TGFA: variants seen among roughly 807,000 people sequenced by gnomAD.
The protein encoded by TGFA is transforming growth factor alpha.
In TGFA, 12 loss-of-function variants were observed where a neutral mutation model predicts 21.7. The ratio of observed to expected loss-of-function variants is 0.55; its 90% CI spans 0.35 to 0.90. The LOEUF (loss-of-function observed/expected upper bound fraction) is 0.90. Ranked by LOEUF, TGFA falls within the 40% of genes least tolerant of loss-of-function variation. The probability of loss-of-function intolerance (pLI) is 0.01; values close to 1 mark genes in which losing one functional copy is unlikely to be tolerated. For synonymous variants in TGFA, 79 were observed against 88.1 expected (o/e 0.90, Z 0.58); for missense variants, 178 against 210.8 (o/e 0.84, Z 0.96).
At position 70,514,925 on chromosome 2, in the gene TGFA, G is replaced by A. The variant is rs1431236029; in HGVS notation, c.41-13C>T. 2 of 1,613,192 alleles carry A rather than the reference G, an allele frequency of 1.2e-6. No individual in the cohort carries two copies. The highest frequency in any genetic ancestry group is 1.7e-6 in the Non-Finnish European group (2 of 1,179,682). On this transcript the variant is annotated splice_polypyrimidine_tract_variant and intron_variant, in intron 1 of 5. Transcript: ENST00000295400. ...GCCAACACAATACCTGTTGGGTGGA[G>A]GAGAAGAGGGAAAAGGTCAGAGTCT...
Position 70,450,879 on chromosome 2 carries a change from A to G in TGFA, c.476-13T>C. The stretch of plus-strand genomic sequence containing the variant: ...GCTCTTCAGACCACTGGCAGGAAGG[A>G]AAAACAGGTTAAGCACTGTGGGCCA... On this transcript the variant is annotated splice_polypyrimidine_tract_variant and intron_variant, in intron 5 of 5. Transcript: ENST00000295400. 6.2e-7 allele frequency: 1 copy of G among 1,607,474 alleles called. No homozygotes were observed. Among genetic ancestry groups the G allele is most frequent in the Admixed American group, 1.7e-5 (1 of 59,434 alleles).
chr2:70,523,182 A>G (rs1672529962), intron 1 of TGFA, among the ~76,000 whole-genome samples: 1 of 152,024 alleles, frequency 6.6e-6, no homozygotes, highest in Non-Finnish European at 1.5e-5. Flanking sequence ...GAAATATTTT[A>G]TTTTCCTACC....
intron 3 of TGFA, among the ~76,000 whole-genome samples, chr2:70,457,541 ACTT>A (rs782039015): frequency 6.5e-5 from 9 of 138,252 alleles, no homozygotes; most frequent in South Asian, 4.5e-4. Context: ...GCCAGGCGGG[ACTT>A]CTTTTTTTTT....
chr2:70,537,827 G>C (rs1163624147), intron 1 of TGFA, among the ~76,000 whole-genome samples: 1 of 152,218 alleles, frequency 6.6e-6, no homozygotes, highest in Non-Finnish European at 1.5e-5. Flanking sequence ...AGAAGATCTA[G>C]CTAAGACCAT....
chr2:70,503,386 G>A (rs1407518850), intron 2 of TGFA, among the ~76,000 whole-genome samples: 3 of 144,930 alleles, frequency 2.1e-5, no homozygotes, highest in South Asian at 2.3e-4. Flanking sequence ...AGAACACATG[G>A]ACACAGGAAG....
intron 1 of TGFA, among the ~76,000 whole-genome samples, chr2:70,536,999 T>C (rs1672988370): frequency 1.8e-5 from 1 of 55,208 alleles, no homozygotes; most frequent in Non-Finnish European, 3.6e-5. Flanking sequence ...TTTCTTTTTC[T>C]TTTTTTTTTT....
rs992712782 is a variant in TGFA at position 70,492,657 on chromosome 2, T to C, written c.94+22202A>G. Reference sequence around the variant, plus strand: ...GAGGCTTTGTTCACCTTGATGTTTCTGGACATCCCTTTTAATTATTGAACT... The same window carrying C: ...GAGGCTTTGTTCACCTTGATGTTTCCGGACATCCCTTTTAATTATTGAACT... On this transcript the variant is annotated intron_variant, in intron 2 of 5. Transcript: ENST00000295400. Among the ~76,000 whole-genome samples the C allele has an allele frequency of 2.0e-5, 3 of 152,252 alleles. No individual in the cohort carries two copies. The East Asian group carries it at 5.8e-4, about 29-fold the overall frequency.
At chr2:70,522,319 G>A (rs1314117753) in intron 1 of TGFA, among the ~76,000 whole-genome samples, 2 of 152,148 alleles carry the variant, frequency 1.3e-5, no homozygotes, top group Non-Finnish European at 2.9e-5. Flanking sequence ...GCAGATCCTC[G>A]GGAATTCCTT....
chr2:70,546,286 A>G (rs1482756958), intron 1 of TGFA, among the ~76,000 whole-genome samples: 2 of 152,172 alleles, frequency 1.3e-5, no homozygotes, highest in Non-Finnish European at 2.9e-5. Flanking sequence ...GTATTGCAAA[A>G]ACCCTTCATT....
At chr2:70,546,273 A>C (rs1171718928) in intron 1 of TGFA, among the ~76,000 whole-genome samples, 10 of 152,208 alleles carry the variant, frequency 6.6e-5, no homozygotes, top group Non-Finnish European at 1.5e-4. Flanking sequence ...TTTTAAATTT[A>C]GTGTATTGCA....
intron 1 of TGFA, among the ~76,000 whole-genome samples, chr2:70,552,662 G>T (rs1415101834): frequency 6.6e-6 from 1 of 152,178 alleles, no homozygotes; most frequent in African/African-American, 2.4e-5. Flanking sequence ...AGGCGGGGCC[G>T]CGAACCCCCT....
At position 70,450,685 on chromosome 2, in the gene TGFA, G is replaced by A; in HGVS notation, c.*174C>T. 1 of 661,686 alleles carries A rather than the reference G, an allele frequency of 1.5e-6. No homozygotes were observed. The highest frequency in any genetic ancestry group is 2.7e-6 in the Non-Finnish European group (1 of 373,672). The allele number at this position is 661,686 out of a possible 1,614,324, so 41.0% of individuals were successfully genotyped here. A position where few individuals can be genotyped will look rare whatever the true frequency, so the allele number is the denominator to read the frequency against. ...TCTAGGTCACACTGAATAACCCCAA[G>A]CAGACGGAGTTCTTGACAGAGTTTT... On this transcript the variant is annotated 3_prime_UTR_variant, in exon 6 of 6. Coordinates refer to ENST00000295400, the MANE Select transcript of TGFA (RefSeq NM_003236.4).
intron 1 of TGFA, among the ~76,000 whole-genome samples, chr2:70,546,562 C>T (rs1673311247): frequency 6.6e-6 from 1 of 152,152 alleles, no homozygotes; most frequent in South Asian, 2.1e-4. Context: ...CAACCTCGAC[C>T]TCCCAGGCTC....
At chr2:70,465,866 C>T (rs909161810) in intron 2 of TGFA, 130 bp from the exon 3 acceptor site, 79 of 1,304,520 alleles carry the variant, frequency 6.1e-5, no homozygotes, top group Non-Finnish European at 7.6e-5. Flanking sequence ...CTGGGGCACA[C>T]CCTCCTCAGC....
intron 5 of TGFA, among the ~76,000 whole-genome samples, chr2:70,451,964 C>A (rs1252038388): frequency 6.6e-6 from 1 of 152,186 alleles, no homozygotes; most frequent in Non-Finnish European, 1.5e-5. Flanking sequence ...AAGTGCCGCT[C>A]CCGCACTCTC....
chr2:70,472,576 A>AGGAGGGGTCTCCGTAGTTC (rs2103724052), intron 2 of TGFA, among the ~76,000 whole-genome samples: 1 of 152,306 alleles, frequency 6.6e-6, no homozygotes, highest in Admixed American at 6.5e-5. Context: ...TCCAATTCAC[A>AGGAGGGGTCTCCGTAGTTC]GGAGGGGTCT....
chr2:70,502,740 T>C (rs1334438069), intron 2 of TGFA, among the ~76,000 whole-genome samples: 1 of 152,278 alleles, frequency 6.6e-6, no homozygotes, highest in Non-Finnish European at 1.5e-5. Context: ...TCAGGCCATC[T>C]TGGTATTTCA....
intron 2 of TGFA, among the ~76,000 whole-genome samples, chr2:70,480,740 C>T (rs1425219065): frequency 6.6e-6 from 1 of 152,124 alleles, no homozygotes; most frequent in African/African-American, 2.4e-5. Flanking sequence ...TTTTTGCATG[C>T]TCAAAGAGTG....
Position 70,453,285 on chromosome 2 carries a change from G to A in TGFA, c.408C>T (p.Leu136=). The change falls in exon 5 of 6, where the codon CTC becomes CTT. Residue 136 remains leucine (L), a synonymous_variant. Coordinates refer to ENST00000295400, the MANE Select transcript of TGFA (RefSeq NM_003236.4). Reference sequence around the variant, plus strand: ...CGCTGGGCTTCTCGTGCCGGCAGATGAGGGCCCGGCACCACTCACAGTGTT... The same window carrying A: ...CGCTGGGCTTCTCGTGCCGGCAGATAAGGGCCCGGCACCACTCACAGTGTT... ...VRKHCEWCRA[L]ICRHEKPSAL... is the part of the protein sequence containing the mutation. 6.2e-7 allele frequency: 1 copy of A among 1,614,064 alleles called. No individual in the cohort carries two copies. Among genetic ancestry groups the A allele is most frequent in the Non-Finnish European group, 8.5e-7 (1 of 1,179,950 alleles).
Sources: gnomAD v4.1 joint callset for allele counts (sites outside exome capture counted in the v4.1 genomes callset) on GRCh38, gnomAD v4.1.1 for gene constraint, MANE v1.5 for transcripts, NCBI Gene and HGNC (gene_info 2026-07-23, HGNC 2026-07-21) for gene names.